EIPR1: variants seen among roughly 807,000 people sequenced by gnomAD.
EIPR1 encodes EARP and GARP complex-interacting protein 1.
In EIPR1, 25 loss-of-function variants were observed where a neutral mutation model predicts 48.1. That is an observed-to-expected ratio of 0.52 (90% CI 0.38 to 0.73). The LOEUF is 0.73. EIPR1 is among the 30% of genes least tolerant of loss of function. The probability of loss-of-function intolerance (pLI) is 0.00; values close to 1 mark genes in which losing one functional copy is unlikely to be tolerated. For synonymous variants in EIPR1, 204 were observed against 201.9 expected, an observed-to-expected ratio of 1.01 and a Z score of -0.09; for missense variants, 415 against 506.2, an observed-to-expected ratio of 0.82 and a Z score of 1.73.
chr2:3,251,144 C>T (rs913091829), intron 4 of EIPR1, among the ~76,000 whole-genome samples: 20 of 152,198 alleles, frequency 1.3e-4, no homozygotes, highest in African/African-American at 4.1e-4. Context: ...AGGCGGCCAG[C>T]GGTCTGCTGA....
intron 3 of EIPR1, among the ~76,000 whole-genome samples, chr2:3,287,561 G>A (rs1345659184): frequency 2.0e-5 from 3 of 151,610 alleles, no homozygotes; most frequent in African/African-American, 7.3e-5. Flanking sequence ...AATCTAGAAA[G>A]CGCGTTCACC....
intron 3 of EIPR1, among the ~76,000 whole-genome samples, chr2:3,313,680 A>G (rs1669196734): frequency 6.6e-6 from 1 of 152,186 alleles, no homozygotes; most frequent in East Asian, 1.9e-4. Flanking sequence ...GGAGCATAGT[A>G]AGGAGCCTGG....
At chr2:3,268,617 C>T (rs1466903959) in intron 3 of EIPR1, among the ~76,000 whole-genome samples, 3 of 152,186 alleles carry the variant, frequency 2.0e-5, no homozygotes, top group Admixed American at 2.0e-4. Context: ...CCTGCCCAGA[C>T]CAATACAGCC....
chr2:3,298,879 G>A (rs1050802757), intron 3 of EIPR1, among the ~76,000 whole-genome samples: 1 of 152,158 alleles, frequency 6.6e-6, no homozygotes, highest in African/African-American at 2.4e-5. Context: ...TGGGACAGCT[G>A]CAGACGTCAA....
intron 3 of EIPR1, among the ~76,000 whole-genome samples, chr2:3,267,837 A>G (rs1298465886): frequency 1.3e-5 from 2 of 152,234 alleles, no homozygotes. Flanking sequence ...TACAAAGCCT[A>G]AAATATTTAC....
chr2:3,254,123 A>G (rs1415597166), intron 4 of EIPR1, among the ~76,000 whole-genome samples: 1 of 152,140 alleles, frequency 6.6e-6, no homozygotes, highest in Non-Finnish European at 1.5e-5. Context: ...GCCTGACCCC[A>G]AAGGGCAGCC....
intron 3 of EIPR1, among the ~76,000 whole-genome samples, chr2:3,289,460 A>G (rs1469313775): frequency 6.6e-6 from 1 of 152,108 alleles, no homozygotes; most frequent in East Asian, 1.9e-4. Context: ...AACCGAACTG[A>G]GGGACCACGG....
chr2:3,264,457 G>C (rs527789246), intron 3 of EIPR1, among the ~76,000 whole-genome samples: 1 of 152,304 alleles, frequency 6.6e-6, no homozygotes, highest in Admixed American at 6.5e-5. Context: ...TGCCCCAGAA[G>C]AACTGGATAA....
chr2:3,195,350 G>A (rs2103106819), intron 6 of EIPR1, among the ~76,000 whole-genome samples: 1 of 152,214 alleles, frequency 6.6e-6, no homozygotes, highest in East Asian at 1.9e-4. Flanking sequence ...CAATGGGGCT[G>A]ATGAGCAATG....
At chr2:3,243,849 C>A (rs1666716564) in intron 4 of EIPR1, among the ~76,000 whole-genome samples, 1 of 152,292 alleles carries the variant, frequency 6.6e-6, no homozygotes, top group East Asian at 1.9e-4. Context: ...ACGTACAGGG[C>A]ATGGCTCTGC....
At chr2:3,277,303 T>C (rs147771198) in intron 3 of EIPR1, among the ~76,000 whole-genome samples, 25 of 152,304 alleles carry the variant, frequency 1.6e-4, no homozygotes, top group African/African-American at 6.0e-4. Flanking sequence ...GCTCCACACG[T>C]GTCCTCTGTT....
intron 6 of EIPR1, 145 bp downstream of exon 6, chr2:3,196,736 G>T: frequency 7.9e-7 from 1 of 1,272,836 alleles, no homozygotes; most frequent in Non-Finnish European, 1.1e-6. Context: ...ACAAGATGAA[G>T]ATTTATGATT....
chr2:3,265,131 A>ATTTAGTCTGAAAATCTGGTGGGT (rs1553291021), intron 3 of EIPR1, among the ~76,000 whole-genome samples: 1 of 152,076 alleles, frequency 6.6e-6, no homozygotes, highest in African/African-American at 2.4e-5. Flanking sequence ...GGTGAGTTCA[A>ATTTAGTCTGAAAATCTGGTGGGT]AGTGCCTTAA....
intron 3 of EIPR1, among the ~76,000 whole-genome samples, chr2:3,261,150 A>C (rs1428566875): frequency 6.6e-6 from 1 of 152,128 alleles, no homozygotes; most frequent in African/African-American, 2.4e-5. Flanking sequence ...GGCAATTATC[A>C]TAATGACCAA....
At chr2:3,237,706 G>T (rs939069328) in intron 4 of EIPR1, among the ~76,000 whole-genome samples, 1 of 152,198 alleles carries the variant, frequency 6.6e-6, no homozygotes, top group African/African-American at 2.4e-5. Context: ...TGCGGCACAT[G>T]AGTCTGCAGC....
chr2:3,372,820 A>G (rs1368567950), intron 1 of EIPR1, among the ~76,000 whole-genome samples: 3 of 152,216 alleles, frequency 2.0e-5, no homozygotes, highest in Non-Finnish European at 4.4e-5. Flanking sequence ...AACTGGTACC[A>G]TTCCTTCTGA....
chr2:3,317,483 A>G (rs1669347331), intron 3 of EIPR1, among the ~76,000 whole-genome samples: 1 of 152,204 alleles, frequency 6.6e-6, no homozygotes, highest in Non-Finnish European at 1.5e-5. Flanking sequence ...TGTGCCTCAC[A>G]TGCGGGGTGG....
At chr2:3,303,855 AACAG>A (rs1203432183) in intron 3 of EIPR1, among the ~76,000 whole-genome samples, 4 of 152,226 alleles carry the variant, frequency 2.6e-5, no homozygotes, top group East Asian at 1.9e-4. Flanking sequence ...GACCAGCCAT[AACAG>A]ACAGAGTATA....
At chr2:3,299,492 T>C (rs1668701398) in intron 3 of EIPR1, among the ~76,000 whole-genome samples, 1 of 152,166 alleles carries the variant, frequency 6.6e-6, no homozygotes, top group Non-Finnish European at 1.5e-5. Flanking sequence ...AAGAGAGTCC[T>C]TGGATTAGAT....
Sources: gnomAD v4.1 joint callset for allele counts (sites outside exome capture counted in the v4.1 genomes callset) on GRCh38, gnomAD v4.1.1 for gene constraint, MANE v1.5 for transcripts, NCBI Gene and HGNC (gene_info 2026-07-23, HGNC 2026-07-21) for gene names.